The following SPTB variants were observed in gnomAD, a reference collection of about 807,000 sequenced individuals.
SPTB encodes spectrin beta chain, erythrocytic.
Under a neutral mutation model 256.2 loss-of-function variants are expected in SPTB, and 45 were observed. The ratio of observed to expected loss-of-function variants is 0.18; its 90% CI spans 0.14 to 0.23. SPTB has a LOEUF of 0.23. Among genes scored for constraint, SPTB ranks in the 10% least tolerant of loss-of-function variants. The pLI is 1.00. For synonymous variants in SPTB, 1,231 were observed against 1,243.1 expected, an observed-to-expected ratio of 0.99 and a Z score of 0.21; for missense variants, 2,715 against 3,040.4, an observed-to-expected ratio of 0.89 and a Z score of 2.52.
At chr14:64,857,646 A>G (rs2083895573) in intron 1 of SPTB, among the ~76,000 whole-genome samples, 1 of 151,202 alleles carries the variant, frequency 6.6e-6, no homozygotes, top group Non-Finnish European at 1.5e-5. Context: ...GGGAACAGCT[A>G]TTCTCTGAAA....
intron 1 of SPTB, among the ~76,000 whole-genome samples, chr14:64,835,791 C>T (rs942304706): frequency 6.6e-6 from 1 of 152,194 alleles, no homozygotes; most frequent in Non-Finnish European, 1.5e-5. Context: ...ATTGAATACC[C>T]ACCCACACTC....
chr14:64,820,404 C>A (rs1344206088), intron 2 of SPTB, among the ~76,000 whole-genome samples: 2 of 152,212 alleles, frequency 1.3e-5, no homozygotes, highest in Non-Finnish European at 2.9e-5. Context: ...AAGCCCAGGT[C>A]ACTTAGAGTG....
chr14:64,775,268 C>G lies in SPTB; in HGVS notation c.4699G>C (p.Asp1567His), dbSNP rs138126360. ...ERLGHLQSSW[D>H]RLREAAAGRL... ...CCGGCCGCTGCCTCCCGCAGCCTGT[C>G]CCAGGAGCTCTGCAGGTGCCCCAGG... is the stretch of plus-strand genomic sequence containing the variant. Residue 1567 changes from aspartate to histidine, a missense_variant, in exon 23 of 36, where the codon GAC (aspartate) becomes CAC (histidine). Physicochemically the swap from Asp to His is moderately conservative, Grantham distance 81. Around this residue, in one of 4 missense-constraint regions of SPTB, gnomAD observed 2,239 missense variants for 2,384.4 expected, o/e 0.94. Transcript: ENST00000644917. This position sits in a 1 kb window ranked among gnomAD's most constrained non-coding sequence, Gnocchi z 5.0. 944 of 1,613,654 alleles carry G rather than the reference C, an allele frequency of 5.9e-4. 8 individuals carry two copies. In the African/African-American group the frequency reaches 0.011, roughly 19 times the overall value.
At position 64,823,285 on chromosome 14, in the gene SPTB, T is replaced by C; in HGVS notation, c.-51-140A>G. The C allele has an allele frequency of 1.5e-6, 1 of 686,580 alleles. No individual in the cohort carries two copies. Among genetic ancestry groups the C allele is most frequent in the African/African-American group, 1.8e-5 (1 of 56,472 alleles). The allele number at this position is 686,580 out of a possible 1,614,324, so 42.5% of individuals were successfully genotyped here. A position where few individuals can be genotyped will look rare whatever the true frequency, so the allele number is the denominator to read the frequency against. ...ATGTCATCTGCCTGGGCGTGCTTCC[T>C]ACCAGGGTCTCTGGGTCGTTTGTTA... On this transcript the variant is annotated intron_variant, in intron 1 of 35. Coordinates refer to ENST00000644917, the MANE Select transcript of SPTB (RefSeq NM_001355436.2). This position sits in a 1 kb window ranked among gnomAD's most constrained non-coding sequence, Gnocchi z 6.5.
At chr14:64,774,651 A>G (rs1481418533) in intron 23 of SPTB, 124 bp from the exon 24 acceptor site, 2 of 1,389,380 alleles carry the variant, frequency 1.4e-6, no homozygotes, top group Non-Finnish European at 2.0e-6. Context: ...GGACACCCGC[A>G]GGAGAGCCAC....
intron 32 of SPTB, among the ~76,000 whole-genome samples, chr14:64,762,192 G>A (rs1290841216): frequency 1.3e-5 from 2 of 152,186 alleles, no homozygotes; most frequent in Non-Finnish European, 2.9e-5. Context: ...CAGGTTTTGG[G>A]GAAAACTGAT....
At position 64,824,878 on chromosome 14, in the gene SPTB, A is replaced by G. The variant is rs1158221621; in HGVS notation, c.-51-1733T>C. On this transcript the variant is annotated intron_variant, in intron 1 of 35. Coordinates refer to ENST00000644917, the MANE Select transcript of SPTB (RefSeq NM_001355436.2). The surrounding 1 kb of genome is among the most constrained non-coding windows in gnomAD (Gnocchi z 5.7). ...CCCAACCTGATGAATCCATCCCACC[A>G]CATCCTTGTGAGGTAAGATAGGAGC... Among the ~76,000 whole-genome samples the G allele has an allele frequency of 6.6e-6, 1 of 152,136 alleles. No individual in the cohort carries two copies. Among genetic ancestry groups the G allele is most frequent in the Non-Finnish European group, 1.5e-5 (1 of 68,008 alleles).
chr14:64,876,266 C>G lies in SPTB; in HGVS notation c.-52+3526G>C, dbSNP rs187471157. On this transcript the variant is annotated intron_variant, in intron 1 of 35. Transcript: ENST00000644917. ...GAGCAATTTTCCTGTCTCAGCCTCC[C>G]GAGTAGCTGGGATTACAGGTGCCCA... Among the ~76,000 whole-genome samples the G allele has an allele frequency of 1.5e-4, 23 of 152,202 alleles. No homozygotes were observed. In the Middle Eastern group the frequency reaches 0.01, roughly 68 times the overall value.
chr14:64,877,875 T>C (rs1360081225), intron 1 of SPTB, among the ~76,000 whole-genome samples: 2 of 152,206 alleles, frequency 1.3e-5, no homozygotes, highest in Non-Finnish European at 2.9e-5. Flanking sequence ...CCAAAACTAG[T>C]CATCTAGCAG....
rs2082653524 is a variant in SPTB, at chr14:64,790,666, A to G, written c.2804+1053T>C. On this transcript the variant is annotated intron_variant, in intron 15 of 35. Transcript: ENST00000644917. The surrounding 1 kb of genome is among the most constrained non-coding windows in gnomAD (Gnocchi z 4.8). ...CTTTCTTTACAATGGAGTCTTCCCT[A>G]GGCCCACCTCCCAGATTGCCTCAGG... Among the ~76,000 whole-genome samples the G allele has an allele frequency of 6.6e-6, 1 of 152,174 alleles. No individual in the cohort carries two copies. The highest frequency in any genetic ancestry group is 1.5e-5 in the Non-Finnish European group (1 of 68,018).
Position 64,825,406 on chromosome 14 carries a change from C to T in SPTB, c.-51-2261G>A, listed in dbSNP as rs192864051. On this transcript the variant is annotated intron_variant, in intron 1 of 35. Transcript: ENST00000644917. The surrounding 1 kb of genome is among the most constrained non-coding windows in gnomAD (Gnocchi z 4.8). ...CTTGCTGCTTCCAGGACTGAGATTTCGCACCCAACTGGCTGGGCAACGATA... is the reference window on the plus strand; with the variant it reads ...CTTGCTGCTTCCAGGACTGAGATTTTGCACCCAACTGGCTGGGCAACGATA... Among the ~76,000 whole-genome samples, 3 of 152,278 alleles carry T rather than the reference C, an allele frequency of 2.0e-5. No individual in the cohort carries two copies. Among genetic ancestry groups the T allele is most frequent in the Non-Finnish European group, 2.9e-5 (2 of 68,008 alleles).
In SPTB at chr14:64,806,445, C is replaced by T. The variant is rs571152522; in HGVS notation, c.149-1355G>A. The stretch of plus-strand genomic sequence containing the variant: ...TAGCCAGGAGCGGGGTCTGCCCGGT[C>T]GGAGCAGGCTGTGTGCTCGACTGAG... On this transcript the variant is annotated intron_variant, in intron 2 of 35. Coordinates refer to ENST00000644917, the MANE Select transcript of SPTB (RefSeq NM_001355436.2). The surrounding 1 kb of genome is among the most constrained non-coding windows in gnomAD (Gnocchi z 4.1). Among the ~76,000 whole-genome samples, 1 of 152,284 alleles carries T rather than the reference C, an allele frequency of 6.6e-6. No individual in the cohort carries two copies. Among genetic ancestry groups the T allele is most frequent in the South Asian group, 2.1e-4 (1 of 4,824 alleles).
intron 32 of SPTB, among the ~76,000 whole-genome samples, chr14:64,762,535 C>T (rs767455960): frequency 2.6e-5 from 4 of 152,232 alleles, no homozygotes; most frequent in South Asian, 2.1e-4. Flanking sequence ...CAGCGCCTCA[C>T]GTTCGTAAGT....
In SPTB at chr14:64,827,688, G is replaced by A. The variant is rs2083395519; in HGVS notation, c.-51-4543C>T. Among the ~76,000 whole-genome samples the A allele has an allele frequency of 6.6e-6, 1 of 152,198 alleles. No homozygotes were observed. Among genetic ancestry groups the A allele is most frequent in the South Asian group, 2.1e-4 (1 of 4,822 alleles). On this transcript the variant is annotated intron_variant, in intron 1 of 35. Coordinates refer to ENST00000644917, the MANE Select transcript of SPTB (RefSeq NM_001355436.2). This position sits in a 1 kb window ranked among gnomAD's most constrained non-coding sequence, Gnocchi z 4.6. Reference sequence around the variant, plus strand: ...CACATGTGCACACACTCACTAGAATGAGAAGCAATAAGACGTGCAGTGCAG... The same window carrying A: ...CACATGTGCACACACTCACTAGAATAAGAAGCAATAAGACGTGCAGTGCAG...
rs991162780 is a variant in SPTB, at chr14:64,749,591, C to T, written c.6819+63G>A. ...CTTCTGAGGGGGCCTCCAGGGCAAG[C>T]GGCCTGGGGTCCTCCACCTACCCCC... is the stretch of plus-strand genomic sequence containing the variant. On this transcript the variant is annotated intron_variant, in intron 35 of 35. Coordinates refer to ENST00000644917, the MANE Select transcript of SPTB (RefSeq NM_001355436.2). The surrounding 1 kb of genome is among the most constrained non-coding windows in gnomAD (Gnocchi z 4.7). 2.9e-5 allele frequency: 46 copies of T among 1,608,596 alleles called. No homozygotes were observed. In the African/African-American group the frequency reaches 3.5e-4, roughly 12 times the overall value.
chr14:64,773,629 C>A (rs886687604), intron 24 of SPTB, among the ~76,000 whole-genome samples: 8 of 152,206 alleles, frequency 5.3e-5, no homozygotes, highest in African/African-American at 1.9e-4. Flanking sequence ...CACACTGTGT[C>A]CTGGAATTCT....
intron 23 of SPTB, 76 bp from the exon 24 acceptor site, chr14:64,774,603 C>G: frequency 6.5e-7 from 1 of 1,546,622 alleles, no homozygotes; most frequent in Non-Finnish European, 8.7e-7. Context: ...TGCCCCCACT[C>G]CTGGAGGTGC....
At chr14:64,828,487 A>ATACT (rs2083406091) in intron 1 of SPTB, among the ~76,000 whole-genome samples, 1 of 152,220 alleles carries the variant, frequency 6.6e-6, no homozygotes, top group South Asian at 2.1e-4. Flanking sequence ...AGGAGAGGGG[A>ATACT]GAGATGATAC....
Position 64,802,394 on chromosome 14 carries a change from T to C in SPTB, c.475-77A>G. 7.4e-7 allele frequency: 1 copy of C among 1,352,916 alleles called. No homozygotes were observed. The allele number at this position is 1,352,916 out of a possible 1,614,324, so 83.8% of individuals were successfully genotyped here. On this transcript the variant is annotated intron_variant, in intron 4 of 35. Coordinates refer to ENST00000644917, the MANE Select transcript of SPTB (RefSeq NM_001355436.2). The surrounding 1 kb of genome is among the most constrained non-coding windows in gnomAD (Gnocchi z 5.1). ...TGCTTTCCTGCCGTCCCTGGGAGGC[T>C]CCCTCCCTCATCCCCCCTTCACTTA...
Sources: allele counts gnomAD v4.1 joint callset (sites outside exome capture counted in the v4.1 genomes callset), GRCh38; gene constraint gnomAD v4.1.1; regional missense constraint gnomAD v4.1.1; non-coding constraint Gnocchi (gnomAD v3.1); transcripts MANE v1.5; gene names NCBI Gene and HGNC (gene_info 2026-07-23, HGNC 2026-07-21).